Variants in CSMD1 observed in about 807,000 individuals in gnomAD.
CSMD1 encodes the protein CUB and Sushi multiple domains 1, also known as CUB and sushi domain-containing protein 1.
Under a neutral mutation model 417.5 loss-of-function variants are expected in CSMD1, and 213 were observed. That is an observed-to-expected ratio of 0.51 (90% confidence interval 0.46 to 0.57). CSMD1 has a LOEUF of 0.57. Ranked by LOEUF, CSMD1 falls within the 20% of genes least tolerant of loss-of-function variation. The probability of loss-of-function intolerance (pLI) is 0.00; values close to 1 mark genes in which losing one functional copy is unlikely to be tolerated. For synonymous variants in CSMD1, 2,862 were observed against 1,736.8 expected, an observed-to-expected ratio of 1.65 and a Z score of -16.11; for missense variants, 6,923 against 4,529.7, an observed-to-expected ratio of 1.53 and a Z score of -15.17.
chr8:3,903,038 C>T (rs750794433), intron 5 of CSMD1, among the ~76,000 whole-genome samples: 31 of 152,100 alleles, frequency 2.0e-4, no homozygotes, highest in Non-Finnish European at 4.1e-4. Context: ...ATTAAAGTAG[C>T]GTGTAGCTGA....
intron 1 of CSMD1, among the ~76,000 whole-genome samples, chr8:4,765,353 C>T (rs1228868977): frequency 2.0e-5 from 3 of 152,154 alleles, no homozygotes; most frequent in Admixed American, 2.0e-4. Context: ...TTGTTCTCCA[C>T]AAAACTGAAG....
Position 2,991,007 on chromosome 8 carries a change from G to C in CSMD1, c.8377+7004C>G, listed in dbSNP as rs539202254. ...AGATTGCTTTCCATAGGGTATATTAGCAATAGGAATTGACTGCTGCTGCAG... is the reference window on the plus strand; with the variant it reads ...AGATTGCTTTCCATAGGGTATATTACCAATAGGAATTGACTGCTGCTGCAG... On this transcript the variant is annotated intron_variant, in intron 54 of 69. Transcript: ENST00000635120. Among the ~76,000 whole-genome samples the C allele has an allele frequency of 2.0e-5, 3 of 152,256 alleles. No homozygotes were observed. The South Asian group carries it at 6.2e-4, about 32-fold the overall frequency.
intron 3 of CSMD1, among the ~76,000 whole-genome samples, chr8:4,155,356 G>C (rs1040389276): frequency 1.3e-5 from 2 of 152,140 alleles, no homozygotes; most frequent in African/African-American, 4.8e-5. Flanking sequence ...AGGGTAAACA[G>C]CCACGCTGCT....
intron 6 of CSMD1, among the ~76,000 whole-genome samples, chr8:3,747,125 C>T (rs748727653): frequency 6.6e-6 from 1 of 152,208 alleles, no homozygotes; most frequent in Non-Finnish European, 1.5e-5. Context: ...GTTGTAAAGA[C>T]TGACATGAAG....
rs559809772 is a variant in CSMD1, at chr8:4,125,456, C to G, written c.416-93357G>C. Among the ~76,000 whole-genome samples, 10 of 152,294 alleles carry G rather than the reference C, an allele frequency of 6.6e-5. No individual in the cohort carries two copies. The South Asian group carries it at 2.1e-3, about 32-fold the overall frequency. ...CTGTTGCTTGATGTCCCATGTCTCC[C>G]TAAAATGAATAAAACCAAGCTGCGC... On this transcript the variant is annotated intron_variant, in intron 3 of 69. Coordinates refer to ENST00000635120, the MANE Select transcript of CSMD1 (RefSeq NM_033225.6).
chr8:3,347,060 A>G (rs1177976395), intron 22 of CSMD1, among the ~76,000 whole-genome samples: 3 of 152,210 alleles, frequency 2.0e-5, no homozygotes, highest in Admixed American at 6.5e-5. Context: ...CACTAACACT[A>G]AAGATAACTG....
At chr8:3,840,728 C>A (rs1803081086) in intron 5 of CSMD1, among the ~76,000 whole-genome samples, 1 of 145,752 alleles carries the variant, frequency 6.9e-6, no homozygotes, top group South Asian at 2.2e-4. Context: ...ATCTATCTGG[C>A]TCTGTCGTGT....
chr8:4,183,844 C>G lies in CSMD1; in HGVS notation c.416-151745G>C, dbSNP rs79517738. On this transcript the variant is annotated intron_variant, in intron 3 of 69. Transcript: ENST00000635120. ...AATGTCTCCCCTCCTGGATTGCCCA[C>G]CTACCACTTAAAACACTCAGTGAGT... Among the ~76,000 whole-genome samples the G allele has an allele frequency of 7.3e-3, 1,112 of 152,306 alleles. 45 individuals are homozygous for G. The East Asian group carries it at 0.11, about 16-fold the overall frequency.
intron 5 of CSMD1, among the ~76,000 whole-genome samples, chr8:3,876,676 C>G (rs1805847216): frequency 6.6e-6 from 1 of 152,170 alleles, no homozygotes; most frequent in Admixed American, 6.5e-5. Context: ...GTGGTGCTAT[C>G]AGTGCGCACT....
chr8:4,315,818 C>T (rs1231493203), intron 3 of CSMD1, among the ~76,000 whole-genome samples: 1 of 152,022 alleles, frequency 6.6e-6, no homozygotes, highest in African/African-American at 2.4e-5. Context: ...TTTCTTTATT[C>T]TTCAGAAGCG....
chr8:2,965,062 A>C (rs1398934959), intron 59 of CSMD1, among the ~76,000 whole-genome samples: 1 of 152,128 alleles, frequency 6.6e-6, no homozygotes, highest in Non-Finnish European at 1.5e-5. Flanking sequence ...CCTCTGCACC[A>C]GCTGATAAGA....
chr8:3,555,706 G>A lies in CSMD1; in HGVS notation c.1344+19239C>T, dbSNP rs73658184. Among the ~76,000 whole-genome samples the A allele has an allele frequency of 2.2e-3, 328 of 152,226 alleles. 3 individuals carry two copies. The highest frequency in any genetic ancestry group is 7.6e-3 in the African/African-American group (317 of 41,542). ...GAGGGTGCATAAAAATAAAATATGT[G>A]TCTATCATATTTGAGTTTTCTGTTC... is the stretch of plus-strand genomic sequence containing the variant. On this transcript the variant is annotated intron_variant, in intron 10 of 69. Coordinates refer to ENST00000635120, the MANE Select transcript of CSMD1 (RefSeq NM_033225.6).
At chr8:3,911,175 G>A (rs1389228411) in intron 5 of CSMD1, among the ~76,000 whole-genome samples, 4 of 152,152 alleles carry the variant, frequency 2.6e-5, no homozygotes, top group Non-Finnish European at 5.9e-5. Context: ...GCAAGTGTCT[G>A]CTTCCAGACG....
chr8:3,493,275 T>C (rs541230865), intron 11 of CSMD1, among the ~76,000 whole-genome samples: 20 of 118,066 alleles, frequency 1.7e-4, no homozygotes, highest in African/African-American at 5.5e-4. Flanking sequence ...GCCTGGGTGA[T>C]AGAGTAAGAA....
rs74802430 is a variant in CSMD1 at position 4,792,870 on chromosome 8, T to C, written c.86-155312A>G. 5.8e-3 allele frequency among the ~76,000 whole-genome samples: 889 copies of C among 152,196 alleles called. 11 individuals are homozygous for C. Among genetic ancestry groups the C allele is most frequent in the African/African-American group, 0.02 (848 of 41,504 alleles). ...GGTCTCTCCAGCAAACCTTTCCACC[T>C]ACTGGTTTTGTGCTCTCTGCCAGCA... On this transcript the variant is annotated intron_variant, in intron 1 of 69. Coordinates refer to ENST00000635120, the MANE Select transcript of CSMD1 (RefSeq NM_033225.6).
At chr8:4,428,624 A>T (rs570965726) in intron 2 of CSMD1, among the ~76,000 whole-genome samples, 6 of 152,200 alleles carry the variant, frequency 3.9e-5, no homozygotes, top group Non-Finnish European at 7.4e-5. Context: ...TTCCTTTAGG[A>T]AACACGGAAA....
chr8:4,839,786 G>T (rs893835231), intron 1 of CSMD1, among the ~76,000 whole-genome samples: 6 of 152,110 alleles, frequency 3.9e-5, no homozygotes, highest in Admixed American at 6.5e-5. Context: ...ATAAACAACA[G>T]ATTTAGACCT....
At chr8:4,793,412 C>G (rs1195626825) in intron 1 of CSMD1, among the ~76,000 whole-genome samples, 1 of 151,868 alleles carries the variant, frequency 6.6e-6, no homozygotes, top group Admixed American at 6.6e-5. Context: ...AAAATTTCAC[C>G]TTTTCCCTCC....
At chr8:4,145,787 G>C (rs1054721707) in intron 3 of CSMD1, among the ~76,000 whole-genome samples, 11 of 151,084 alleles carry the variant, frequency 7.3e-5, no homozygotes, top group Non-Finnish European at 1.5e-5. Flanking sequence ...CTCGCACCAT[G>C]AAGAGTTTTT....
Sources: gnomAD v4.1 joint callset for allele counts (sites outside exome capture counted in the v4.1 genomes callset) on GRCh38, gnomAD v4.1.1 for gene constraint, MANE v1.5 for transcripts, NCBI Gene and HGNC (gene_info 2026-07-23, HGNC 2026-07-21) for gene names.